LARP4: variants seen among roughly 807,000 people sequenced by gnomAD.
LARP4 encodes la-related protein 4.
LARP4 carries 29 observed loss-of-function variants against 92.9 expected under a neutral mutation model. The observed-to-expected ratio is 0.31, with a 90% CI of 0.23 to 0.43. LARP4 has a LOEUF of 0.43. LARP4 is among the 20% of genes least tolerant of loss of function. The pLI, the probability that LARP4 is intolerant of heterozygous loss-of-function variation, is 1.00. For missense variants in LARP4, 732 were observed against 860.0 expected, an observed-to-expected ratio of 0.85 and a Z score of 1.86; for synonymous variants, 279 against 284.1, an observed-to-expected ratio of 0.98 and a Z score of 0.18.
At chr12:50,441,695 G>T in intron 8 of LARP4, 52 bp downstream of exon 8, 1 of 1,310,126 alleles carries the variant, frequency 7.6e-7, no homozygotes, top group South Asian at 1.3e-5. Flanking sequence ...TTCTCTGTAT[G>T]AGAATTTAAA....
At chr12:50,439,380 T>C (rs1950881896) in intron 6 of LARP4, among the ~76,000 whole-genome samples, 1 of 152,200 alleles carries the variant, frequency 6.6e-6, no homozygotes, top group Non-Finnish European at 1.5e-5. Flanking sequence ...TTTAAAATTT[T>C]TTTTTCATGT....
chr12:50,461,429 T>A, intron 11 of LARP4, 82 bp downstream of exon 11: 1 of 1,223,172 alleles, frequency 8.2e-7, no homozygotes, highest in Non-Finnish European at 1.2e-6. Flanking sequence ...TCATAATAAT[T>A]AAATGAGCAT....
At chr12:50,414,809 A>G (rs1946491946) in intron 1 of LARP4, among the ~76,000 whole-genome samples, 1 of 152,214 alleles carries the variant, frequency 6.6e-6, no homozygotes, top group South Asian at 2.1e-4. Flanking sequence ...CTATTCACCT[A>G]TAGGTGAACA....
intron 1 of LARP4, among the ~76,000 whole-genome samples, chr12:50,416,008 C>T (rs529300637): frequency 2.0e-5 from 3 of 152,064 alleles, no homozygotes; most frequent in Non-Finnish European, 2.9e-5. Context: ...CCCCCACCCT[C>T]CATGTTTTCT....
intron 1 of LARP4, among the ~76,000 whole-genome samples, chr12:50,410,338 G>T (rs1945637255): frequency 6.6e-6 from 1 of 151,624 alleles, no homozygotes; most frequent in African/African-American, 2.4e-5. Context: ...CTCCCAAAGT[G>T]CTGCGATTAC....
chr12:50,479,358 A>G lies in LARP4; in HGVS notation c.*3494A>G, dbSNP rs185413087. On this transcript the variant is annotated 3_prime_UTR_variant, in exon 16 of 16. Coordinates refer to ENST00000398473, the MANE Select transcript of LARP4 (RefSeq NM_052879.5). ...TTCTGAGGGGCTTTTATAAATTATT[A>G]ACTATAATATATGATGGATTTTTTC... The G allele has an allele frequency of 2.6e-4, 40 of 152,398 alleles. No individual in the cohort carries two copies. The highest frequency in any genetic ancestry group is 3.4e-3 in the Middle Eastern group (1 of 294). 9.4% of individuals were successfully genotyped at this position (152,398 alleles called of 1,614,324 possible).
chr12:50,427,942 A>T (rs1161733519), intron 2 of LARP4, 33 bp downstream of exon 2: 1 of 1,474,904 alleles, frequency 6.8e-7, no homozygotes, highest in Non-Finnish European at 9.2e-7. Flanking sequence ...TAAAAATCAC[A>T]GTTTGGTTAA....
rs372639205 is a variant in LARP4, at chr12:50,455,289, A to G, written c.1121+872A>G. ...TGTTGCCTGGGACGACTGGTCTTGA[A>G]CTCCTGGGCTCAAAGCAGTCCTCCC... is the stretch of plus-strand genomic sequence containing the variant. On this transcript the variant is annotated intron_variant, in intron 10 of 15. Transcript: ENST00000398473. Among the ~76,000 whole-genome samples the G allele has an allele frequency of 2.6e-5, 4 of 151,572 alleles. No individual in the cohort carries two copies. In the East Asian group the frequency reaches 5.8e-4, roughly 22 times the overall value.
intron 1 of LARP4, among the ~76,000 whole-genome samples, chr12:50,423,821 G>A (rs889707979): frequency 2.7e-5 from 4 of 150,122 alleles, no homozygotes; most frequent in African/African-American, 7.4e-5. Context: ...ATGCAATTTC[G>A]GCTCACTGCA....
chr12:50,426,355 T>TC (rs1948702302), intron 1 of LARP4, among the ~76,000 whole-genome samples: 1 of 152,036 alleles, frequency 6.6e-6, no homozygotes, highest in Non-Finnish European at 1.5e-5. Context: ...AAATAGATTA[T>TC]CCCCCTCCCC....
At chr12:50,407,057 G>A (rs1289551212) in intron 1 of LARP4, among the ~76,000 whole-genome samples, 2 of 150,550 alleles carry the variant, frequency 1.3e-5, no homozygotes, top group Admixed American at 6.6e-5. Context: ...ATGGAATCTT[G>A]CTCTGTCGCC....
At chr12:50,455,674 C>T (rs546008662) in intron 10 of LARP4, among the ~76,000 whole-genome samples, 33 of 152,218 alleles carry the variant, frequency 2.2e-4, no homozygotes, top group African/African-American at 7.7e-4. Context: ...AAAAAATATT[C>T]TTCTCACTGG....
intron 8 of LARP4, 108 bp downstream of exon 8, chr12:50,441,751 A>G (rs767164466): frequency 6.2e-6 from 6 of 969,196 alleles, no homozygotes; most frequent in South Asian, 1.6e-5. Flanking sequence ...GTGACTTTCA[A>G]AAAGTTTCTG....
chr12:50,418,152 C>T (rs898384179), intron 1 of LARP4, among the ~76,000 whole-genome samples: 2 of 151,910 alleles, frequency 1.3e-5, no homozygotes, highest in Non-Finnish European at 2.9e-5. Context: ...TGAGCCACTG[C>T]GCCTGGCCCA....
At chr12:50,446,840 C>T (rs1457785345) in intron 8 of LARP4, among the ~76,000 whole-genome samples, 1 of 151,968 alleles carries the variant, frequency 6.6e-6, no homozygotes, top group Non-Finnish European at 1.5e-5. Context: ...AAGCAATAGC[C>T]ATAGTTATTT....
Position 50,400,904 on chromosome 12 carries a change from T to G in LARP4, c.-107T>G. The stretch of plus-strand genomic sequence containing the variant: ...GGGAGGAGCCGGGTCCACTGCCGGG[T>G]GGAGGGGCAAGGCGAGTGTGTGTCC... On this transcript the variant is annotated 5_prime_UTR_variant, in exon 1 of 16. Transcript: ENST00000398473. 2.0e-6 allele frequency: 3 copies of G among 1,497,446 alleles called. No homozygotes were observed. 92.8% of individuals were successfully genotyped at this position (1,497,446 alleles called of 1,614,324 possible).
chr12:50,445,905 G>A (rs546710871), intron 8 of LARP4, among the ~76,000 whole-genome samples: 2 of 151,930 alleles, frequency 1.3e-5, no homozygotes, highest in East Asian at 3.9e-4. Flanking sequence ...GGGTCATCTT[G>A]GAGTCCTTAT....
At chr12:50,402,680 A>G (rs1251937137) in intron 1 of LARP4, 2 of 430,804 alleles carry the variant, frequency 4.6e-6, no homozygotes, top group East Asian at 1.5e-4. Flanking sequence ...TACAGATGAC[A>G]AAACCGAGCC....
intron 13 of LARP4, among the ~76,000 whole-genome samples, chr12:50,469,771 T>C (rs1456801089): frequency 6.6e-6 from 1 of 151,842 alleles, no homozygotes; most frequent in South Asian, 2.1e-4. Context: ...TAGCTGGGCA[T>C]GGTGGCACGC....
Sources: allele counts gnomAD v4.1 joint callset (sites outside exome capture counted in the v4.1 genomes callset), GRCh38; gene constraint gnomAD v4.1.1; transcripts MANE v1.5; gene names NCBI Gene and HGNC (gene_info 2026-07-23, HGNC 2026-07-21).